Variants in PARVG observed in about 807,000 individuals in gnomAD.
PARVG encodes the protein parvin gamma.
Under a neutral mutation model 44.4 loss-of-function variants are expected in PARVG, and 36 were observed. That is an observed-to-expected ratio of 0.81 (90% CI 0.62 to 1.07). PARVG has a LOEUF of 1.07. Ranked by LOEUF, PARVG falls within the 50% of genes least tolerant of loss-of-function variation. The pLI is 0.00. For missense variants in PARVG, 407 were observed against 407.4 expected, an observed-to-expected ratio of 1.00 and a Z score of 0.01; for synonymous variants, 170 against 174.1, an observed-to-expected ratio of 0.98 and a Z score of 0.19.
intron 1 of PARVG, 140 bp from the exon 2 acceptor site, chr22:44,181,602 G>C: frequency 1.5e-6 from 1 of 657,618 alleles, no homozygotes; most frequent in Non-Finnish European, 1.9e-6. Context: ...GGGGAGAAAT[G>C]AAAGCATTGA....
chr22:44,174,563 A>C (rs944597637), intron 1 of PARVG, among the ~76,000 whole-genome samples: 312 of 151,462 alleles, frequency 2.1e-3, no homozygotes, highest in African/African-American at 7.3e-3. Context: ...ACAAACAAAA[A>C]AAAAAACCCA....
intron 3 of PARVG, 34 bp downstream of exon 3, chr22:44,183,442 G>A: frequency 6.5e-7 from 1 of 1,548,116 alleles, no homozygotes. Context: ...GGTGGAGGGT[G>A]AAGGTCTGTG....
chr22:44,204,084 A>G (rs531099402), intron 12 of PARVG, among the ~76,000 whole-genome samples: 165 of 152,308 alleles, frequency 1.1e-3, no homozygotes, highest in Non-Finnish European at 1.7e-3. Context: ...ACCTCAGGTG[A>G]TCTGCCCACT....
chr22:44,183,242 G>T, intron 2 of PARVG, 76 bp from the exon 3 acceptor site: 5 of 1,375,306 alleles, frequency 3.6e-6, no homozygotes, highest in Non-Finnish European at 4.9e-6. Flanking sequence ...GTGCCTCCAG[G>T]TCTAGAGAAA....
chr22:44,192,034 C>G lies in PARVG; in HGVS notation c.505-15C>G. 1.2e-6 allele frequency: 2 copies of G among 1,613,202 alleles called. No individual in the cohort carries two copies. The highest frequency in any genetic ancestry group is 1.7e-6 in the Non-Finnish European group (2 of 1,179,560). On this transcript the variant is annotated splice_polypyrimidine_tract_variant and intron_variant, in intron 7 of 13. Coordinates refer to ENST00000444313, the MANE Select transcript of PARVG (RefSeq NM_022141.7). ...TTCTGGATTATTTAATTTCTTCCCCCTTTATTTTTCTTAGAGCACCAAAAG... is the reference window on the plus strand; with the variant it reads ...TTCTGGATTATTTAATTTCTTCCCCGTTTATTTTTCTTAGAGCACCAAAAG...
chr22:44,183,931 T>G (rs2147219589), intron 3 of PARVG: 2 of 286,662 alleles, frequency 7.0e-6, no homozygotes, highest in East Asian at 5.8e-5. Flanking sequence ...CCTGACGTGC[T>G]CCCCTCACAC....
chr22:44,193,393 T>C (rs1367808478), intron 8 of PARVG, among the ~76,000 whole-genome samples: 8 of 151,786 alleles, frequency 5.3e-5, no homozygotes, highest in Admixed American at 4.6e-4. Context: ...AGGGAGAGGA[T>C]GGAAGGGAGA....
Position 44,185,873 on chromosome 22 carries a change from G to C in PARVG, c.144+1G>C. On this transcript the variant is annotated splice_donor_variant, in intron 4 of 13. Coordinates refer to ENST00000444313, the MANE Select transcript of PARVG (RefSeq NM_022141.7). LOFTEE classifies it high-confidence loss of function. ...CCCCAAATTTGAAGAACTGCAGAAG[G>C]TACAGCAGCCTCCACAGCCCTGACT... 1.2e-6 allele frequency: 2 copies of C among 1,612,800 alleles called. No homozygotes were observed. The highest frequency in any genetic ancestry group is 1.7e-6 in the Non-Finnish European group (2 of 1,179,174).
intron 9 of PARVG, among the ~76,000 whole-genome samples, chr22:44,194,573 A>AT (rs1455843405): frequency 2.0e-5 from 3 of 150,596 alleles, no homozygotes; most frequent in African/African-American, 7.4e-5. Context: ...CCATTTATCC[A>AT]TCCCTCCATC....
At position 44,181,089 on chromosome 22, in the gene PARVG, T is replaced by G; in HGVS notation, c.-285T>G. 1.5e-6 allele frequency: 1 copy of G among 687,122 alleles called. No homozygotes were observed. The highest frequency in any genetic ancestry group is 1.8e-6 in the Non-Finnish European group (1 of 557,224). 42.6% of individuals were successfully genotyped at this position (687,122 alleles called of 1,614,324 possible). A position where few individuals can be genotyped will look rare whatever the true frequency, so the allele number is the denominator to read the frequency against. ...CTCCTATGCAGCCGTCAAGGCCCCATTCTCCTCTGGAAAGCCTTCCCGATC... is the reference window on the plus strand; with the variant it reads ...CTCCTATGCAGCCGTCAAGGCCCCAGTCTCCTCTGGAAAGCCTTCCCGATC... On this transcript the variant is annotated 5_prime_UTR_variant, in exon 1 of 14. Coordinates refer to ENST00000444313, the MANE Select transcript of PARVG (RefSeq NM_022141.7).
rs1478063425 is a variant in PARVG, at chr22:44,182,186, C to G, written c.-13+269C>G. ...CGTCTCCAGGTGAAGAAACTGAGGC[C>G]CTGGGGCCAGGAAGGGGCTTGCCCA... On this transcript the variant is annotated intron_variant, in intron 2 of 13. Coordinates refer to ENST00000444313, the MANE Select transcript of PARVG (RefSeq NM_022141.7). This position sits in a 1 kb window ranked among gnomAD's most constrained non-coding sequence, Gnocchi z 4.6. 6.6e-6 allele frequency among the ~76,000 whole-genome samples: 1 copy of G among 152,164 alleles called. No individual in the cohort carries two copies. The highest frequency in any genetic ancestry group is 1.5e-5 in the Non-Finnish European group (1 of 68,024).
At chr22:44,200,183 T>A (rs1351623447) in intron 12 of PARVG, among the ~76,000 whole-genome samples, 1 of 152,172 alleles carries the variant, frequency 6.6e-6, no homozygotes, top group Admixed American at 6.5e-5. Flanking sequence ...GCTGTTCCCT[T>A]CCCAGGAGCA....
rs2054512308 is a variant in PARVG, at chr22:44,189,026, C to T, written c.248-88C>T. On this transcript the variant is annotated intron_variant, in intron 5 of 13. Transcript: ENST00000444313. ...TCCAGACCCATGTTCCCTGAAGCAC[C>T]AGGCAGGCTCAGCCTCCTGGAGGGT... 54 of 1,555,538 alleles carry T rather than the reference C, an allele frequency of 3.5e-5. 1 individual carries two copies. The highest frequency in any genetic ancestry group is 3.4e-4 in the South Asian group (30 of 86,994).
intron 3 of PARVG, 85 bp downstream of exon 3, chr22:44,183,493 C>T (rs922473020): frequency 1.7e-5 from 23 of 1,328,922 alleles, no homozygotes; most frequent in Non-Finnish European, 2.2e-5. Context: ...CTTGCAGCAC[C>T]TTCCCAGCTG....
At chr22:44,197,980 T>TG (rs1167107913) in intron 11 of PARVG, among the ~76,000 whole-genome samples, 2 of 152,176 alleles carry the variant, frequency 1.3e-5, no homozygotes, top group African/African-American at 4.8e-5. Context: ...TTCAATAAAA[T>TG]GGGGTAAGGA....
chr22:44,187,901 G>T, intron 5 of PARVG, 23 bp downstream of exon 5: 2 of 1,613,240 alleles, frequency 1.2e-6, no homozygotes, highest in African/African-American at 1.3e-5. Context: ...TTCTGGGGCT[G>T]CCTGGGCCTC....
chr22:44,186,438 C>T (rs2054471488), intron 4 of PARVG: 2 of 409,738 alleles, frequency 4.9e-6, no homozygotes, highest in African/African-American at 2.0e-5. Context: ...CTCCAGTCTC[C>T]ACATGGCCTC....
intron 7 of PARVG, among the ~76,000 whole-genome samples, chr22:44,190,902 C>T (rs1052029971): frequency 1.3e-5 from 2 of 152,210 alleles, no homozygotes; most frequent in South Asian, 4.1e-4. Flanking sequence ...AGGTCCACGG[C>T]TGGCCAGCTC....
chr22:44,187,740 C>T, intron 4 of PARVG, 36 bp from the exon 5 acceptor site: 3 of 1,605,048 alleles, frequency 1.9e-6, no homozygotes, highest in South Asian at 1.1e-5. Flanking sequence ...TGAGAAGTCT[C>T]CATCCCCCCA....
Sources: allele counts gnomAD v4.1 joint callset (sites outside exome capture counted in the v4.1 genomes callset), GRCh38; gene constraint gnomAD v4.1.1; non-coding constraint Gnocchi (gnomAD v3.1); transcripts MANE v1.5; gene names NCBI Gene and HGNC (gene_info 2026-07-23, HGNC 2026-07-21).